KCNIP4: variants seen among roughly 807,000 people sequenced by gnomAD.
KCNIP4 encodes Kv channel-interacting protein 4.
KCNIP4 carries 12 observed loss-of-function variants against 34.0 expected under a neutral mutation model. The ratio of observed to expected loss-of-function variants is 0.35; its 90% CI spans 0.23 to 0.57. KCNIP4 has a LOEUF of 0.57. KCNIP4 is among the 20% of genes least tolerant of loss of function. The probability of loss-of-function intolerance (pLI) is 0.83; values close to 1 mark genes in which losing one functional copy is unlikely to be tolerated. For synonymous variants in KCNIP4, 124 were observed against 102.2 expected (o/e 1.21, Z -1.29); for missense variants, 238 against 311.7 (o/e 0.76, Z 1.78).
At chr4:21,487,739 A>G (rs1328330314) in intron 1 of KCNIP4, among the ~76,000 whole-genome samples, 3 of 152,208 alleles carry the variant, frequency 2.0e-5, no homozygotes. Flanking sequence ...TTTTTAATAT[A>G]TTGGGTTGTA....
At chr4:21,619,416 T>C (rs1279429542) in intron 1 of KCNIP4, among the ~76,000 whole-genome samples, 3 of 152,220 alleles carry the variant, frequency 2.0e-5, no homozygotes, top group African/African-American at 7.2e-5. Context: ...GAAAGATGAA[T>C]ATTTATTATT....
At chr4:20,866,117 A>C (rs1321326694) in intron 2 of KCNIP4, among the ~76,000 whole-genome samples, 2 of 152,070 alleles carry the variant, frequency 1.3e-5, no homozygotes, top group Non-Finnish European at 2.9e-5. Context: ...AAACTATTCC[A>C]AAATATCAAG....
intron 1 of KCNIP4, among the ~76,000 whole-genome samples, chr4:21,867,123 T>G (rs1376531112): frequency 6.6e-6 from 1 of 152,178 alleles, no homozygotes; most frequent in Non-Finnish European, 1.5e-5. Context: ...TGTATCAGAA[T>G]TAAATTTAAG....
chr4:21,803,397 G>C (rs1721113561), intron 1 of KCNIP4, among the ~76,000 whole-genome samples: 1 of 152,024 alleles, frequency 6.6e-6, no homozygotes, highest in South Asian at 2.1e-4. Flanking sequence ...ATCCAACGTG[G>C]ATCCTCCCCA....
intron 1 of KCNIP4, among the ~76,000 whole-genome samples, chr4:21,946,951 G>A (rs930777529): frequency 6.6e-6 from 1 of 152,116 alleles, no homozygotes; most frequent in Non-Finnish European, 1.5e-5. Context: ...CCTGTGCATA[G>A]TCTAGACATG....
chr4:21,051,140 C>T lies in KCNIP4; in HGVS notation c.62-168431G>A, dbSNP rs575432129. 4.6e-5 allele frequency among the ~76,000 whole-genome samples: 7 copies of T among 152,332 alleles called. No homozygotes were observed. In the South Asian group the frequency reaches 1.5e-3, roughly 32 times the overall value. ...CCATGTTTTATTCATGGTTGTTCCT[C>T]TGTGGGGCACAGCACTTGGGCTTCC... On this transcript the variant is annotated intron_variant, in intron 1 of 8. Transcript: ENST00000382152.
At chr4:21,434,355 T>C (rs1449442091) in intron 1 of KCNIP4, among the ~76,000 whole-genome samples, 1 of 152,182 alleles carries the variant, frequency 6.6e-6, no homozygotes, top group Non-Finnish European at 1.5e-5. Context: ...ACAATTCTCA[T>C]AAAAAATGTT....
intron 1 of KCNIP4, chr4:21,845,448 C>T (rs1723954206): frequency 6.6e-6 from 1 of 152,110 alleles, no homozygotes; most frequent in Non-Finnish European, 1.5e-5. Context: ...ACAGGCCTTA[C>T]AAGAACAGGT....
At chr4:21,201,925 A>G (rs1756526855) in intron 1 of KCNIP4, among the ~76,000 whole-genome samples, 1 of 152,222 alleles carries the variant, frequency 6.6e-6, no homozygotes, top group Admixed American at 6.5e-5. Context: ...ACTATATCCC[A>G]TCACCCATCA....
At chr4:21,712,712 C>A (rs1713832597) in intron 1 of KCNIP4, among the ~76,000 whole-genome samples, 1 of 152,072 alleles carries the variant, frequency 6.6e-6, no homozygotes, top group Non-Finnish European at 1.5e-5. Context: ...GCACCTATAG[C>A]ATAGATCAAT....
At chr4:21,183,516 C>T (rs1267871759) in intron 1 of KCNIP4, among the ~76,000 whole-genome samples, 1 of 150,230 alleles carries the variant, frequency 6.7e-6, no homozygotes, top group Non-Finnish European at 1.5e-5. Context: ...CTCTGTTGCC[C>T]AGGATGAAGT....
At chr4:21,802,191 G>A (rs571071826) in intron 1 of KCNIP4, among the ~76,000 whole-genome samples, 1 of 127,754 alleles carries the variant, frequency 7.8e-6, no homozygotes, top group African/African-American at 2.5e-5. Context: ...GTTAAAATCT[G>A]ACTTTCTCCA....
At chr4:21,938,251 A>G (rs1290648911) in intron 1 of KCNIP4, among the ~76,000 whole-genome samples, 2 of 152,142 alleles carry the variant, frequency 1.3e-5, no homozygotes, top group Non-Finnish European at 2.9e-5. Context: ...TTTCCAAAGC[A>G]GTCTGTGCTT....
At chr4:20,916,986 TATATATATATATA>T (rs1728884908) in intron 1 of KCNIP4, among the ~76,000 whole-genome samples, 3 of 78,900 alleles carry the variant, frequency 3.8e-5, no homozygotes, top group Non-Finnish European at 5.0e-5. Flanking sequence ...ATCTTATGTT[TATATATATATATA>T]TATATATATA....
intron 1 of KCNIP4, among the ~76,000 whole-genome samples, chr4:21,588,258 T>C (rs995955277): frequency 6.6e-6 from 1 of 152,062 alleles, no homozygotes; most frequent in African/African-American, 2.4e-5. Flanking sequence ...AATGATCTAC[T>C]TTTCATGTAT....
chr4:21,204,926 G>A (rs971484166), intron 1 of KCNIP4, among the ~76,000 whole-genome samples: 4 of 152,198 alleles, frequency 2.6e-5, no homozygotes, highest in African/African-American at 9.7e-5. Context: ...TTAATGGAGA[G>A]AAGCTCAAGA....
rs11942242 is a variant in KCNIP4, at chr4:21,342,410, C to T, written c.62-459701G>A. On this transcript the variant is annotated intron_variant, in intron 1 of 8. Transcript: ENST00000382152. The stretch of plus-strand genomic sequence containing the variant: ...TTCAAAGCTATTTTTATATCATTTC[C>T]TTTAATCTTCAAAAAACTCATTAAT... Among the ~76,000 whole-genome samples the T allele has an allele frequency of 2.5e-3, 383 of 152,104 alleles. 1 individual carries two copies. Among genetic ancestry groups the T allele is most frequent in the African/African-American group, 8.9e-3 (369 of 41,486 alleles).
At chr4:21,589,839 C>T (rs529208771) in intron 1 of KCNIP4, among the ~76,000 whole-genome samples, 1 of 151,848 alleles carries the variant, frequency 6.6e-6, no homozygotes, top group Admixed American at 6.6e-5. Context: ...GTTCTCACCA[C>T]CAAGCACCTG....
At chr4:21,501,160 A>C (rs1345206541) in intron 1 of KCNIP4, among the ~76,000 whole-genome samples, 4 of 151,774 alleles carry the variant, frequency 2.6e-5, no homozygotes, top group Non-Finnish European at 4.4e-5. Flanking sequence ...CCTAATCATG[A>C]ATTCTTGCCT....
Sources: gnomAD v4.1 joint callset for allele counts (sites outside exome capture counted in the v4.1 genomes callset) on GRCh38, gnomAD v4.1.1 for gene constraint, MANE v1.5 for transcripts, NCBI Gene and HGNC (gene_info 2026-07-23, HGNC 2026-07-21) for gene names.